The following PROS1 variants were observed in gnomAD, a reference collection of about 807,000 sequenced individuals.
The protein encoded by PROS1 is protein S.
In PROS1, 29 loss-of-function variants were observed where a neutral mutation model predicts 75.9. That is an observed-to-expected ratio of 0.38 (90% CI 0.28 to 0.52). The LOEUF (loss-of-function observed/expected upper bound fraction) is 0.52. Ranked by LOEUF, PROS1 falls within the 20% of genes least tolerant of loss-of-function variation. The pLI is 0.83. For missense variants in PROS1, 680 were observed against 810.3 expected (o/e 0.84, Z 1.95); for synonymous variants, 245 against 280.6 (o/e 0.87, Z 1.27).
chr3:93,896,735 C>T, intron 8 of PROS1, 44 bp from the exon 9 acceptor site: 1 of 1,397,988 alleles, frequency 7.2e-7, no homozygotes, highest in Non-Finnish European at 1.0e-6. Flanking sequence ...AATCAAAATG[C>T]ACAGGTTATT....
At chr3:93,942,696 C>T (rs573669758) in intron 1 of PROS1, among the ~76,000 whole-genome samples, 69 of 152,304 alleles carry the variant, frequency 4.5e-4, no homozygotes, top group African/African-American at 1.6e-3. Context: ...TCTATTCTGT[C>T]GTCATTTCAA....
At position 93,893,038 on chromosome 3, in the gene PROS1, G is replaced by A. The variant is rs559926905; in HGVS notation, c.1050C>T (p.Leu350=). Residue 350 remains leucine, a synonymous_variant, in exon 10 of 15, where the codon CTC becomes CTT. Coordinates refer to ENST00000394236, the MANE Select transcript of PROS1 (RefSeq NM_000313.4). Reference sequence around the variant, plus strand: ...TCTTTCCACCACGAAGTGCAATCAGGAGCCACGCTGAGTGATCGATAGATT... The same window carrying A: ...TCTTTCCACCACGAAGTGCAATCAGAAGCCACGCTGAGTGATCGATAGATT... ...YAESIDHSAW[L]LIALRGGKIE... 1.2e-6 allele frequency: 2 copies of A among 1,613,950 alleles called. No individual in the cohort carries two copies. Among genetic ancestry groups the A allele is most frequent in the South Asian group, 2.2e-5 (2 of 91,074 alleles).
chr3:93,973,532 T>C, intron 1 of PROS1, 142 bp downstream of exon 1: 1 of 832,298 alleles, frequency 1.2e-6, no homozygotes, highest in Non-Finnish European at 2.0e-6. Flanking sequence ...CCACGGCTGT[T>C]TCCATCCGCT....
At chr3:93,941,527 A>C (rs1709288100) in intron 1 of PROS1, among the ~76,000 whole-genome samples, 1 of 152,198 alleles carries the variant, frequency 6.6e-6, no homozygotes, top group Non-Finnish European at 1.5e-5. Flanking sequence ...TCACAAAAGG[A>C]AATTTAGCTG....
At chr3:93,956,563 A>ACACAAACAC (rs57080075) in intron 1 of PROS1, among the ~76,000 whole-genome samples, 5 of 128,306 alleles carry the variant, frequency 3.9e-5, no homozygotes, top group Admixed American at 7.9e-5. Context: ...CACACACACA[A>ACACAAACAC]ACACACACAC....
intron 10 of PROS1, among the ~76,000 whole-genome samples, chr3:93,890,170 G>A (rs2107145804): frequency 6.6e-6 from 1 of 152,216 alleles, no homozygotes; most frequent in African/African-American, 2.4e-5. Context: ...GTACCCTCAG[G>A]CTTATTAGGG....
chr3:93,952,391 G>A (rs1008223398), intron 1 of PROS1, among the ~76,000 whole-genome samples: 16 of 152,240 alleles, frequency 1.1e-4, no homozygotes, highest in Admixed American at 2.0e-4. Flanking sequence ...TCAGACCACA[G>A]TGCAATCAAA....
chr3:93,890,284 C>G (rs570992924), intron 10 of PROS1, among the ~76,000 whole-genome samples: 1 of 152,270 alleles, frequency 6.6e-6, no homozygotes, highest in South Asian at 2.1e-4. Flanking sequence ...ATACGTGCAC[C>G]GCTGAACATA....
chr3:93,889,818 C>T (rs1442224940), intron 10 of PROS1, among the ~76,000 whole-genome samples: 4 of 152,068 alleles, frequency 2.6e-5, no homozygotes, highest in Non-Finnish European at 5.9e-5. Context: ...GTTAACTGTA[C>T]AAATTGATTG....
intron 1 of PROS1, among the ~76,000 whole-genome samples, chr3:93,935,323 T>C (rs1709166762): frequency 6.6e-6 from 1 of 152,180 alleles, no homozygotes; most frequent in Admixed American, 6.6e-5. Context: ...CAGCTTTCAT[T>C]GTCTTTTTTA....
intron 6 of PROS1, among the ~76,000 whole-genome samples, chr3:93,902,002 A>G (rs920453939): frequency 3.3e-5 from 5 of 152,210 alleles, no homozygotes; most frequent in Non-Finnish European, 7.4e-5. Context: ...CTGTCTCTAC[A>G]AAGTTTTTTT....
intron 9 of PROS1, among the ~76,000 whole-genome samples, chr3:93,895,379 G>A (rs1708489107): frequency 6.6e-6 from 1 of 152,046 alleles, no homozygotes; most frequent in South Asian, 2.1e-4. Flanking sequence ...GAAGATATTA[G>A]TTGCTCTGTG....
chr3:93,890,997 C>G (rs1384570818), intron 10 of PROS1, among the ~76,000 whole-genome samples: 2 of 151,928 alleles, frequency 1.3e-5, no homozygotes, highest in African/African-American at 4.8e-5. Flanking sequence ...CCCAGCTACT[C>G]GAGAGGCTGA....
chr3:93,875,634 CTATCTATCTATCT>C (rs1708171641), intron 14 of PROS1, among the ~76,000 whole-genome samples: 1 of 112,502 alleles, frequency 8.9e-6, no homozygotes, highest in Non-Finnish European at 1.8e-5. Flanking sequence ...CTCTATCTAT[CTATCTATCTATCT>C]ATCTATCTAT....
intron 1 of PROS1, among the ~76,000 whole-genome samples, chr3:93,946,957 A>C (rs1202229894): frequency 3.3e-5 from 5 of 152,206 alleles, no homozygotes; most frequent in Non-Finnish European, 2.9e-5. Context: ...CAAAGAACTT[A>C]AGCAAATTTA....
At chr3:93,959,502 G>T (rs1344277597) in intron 1 of PROS1, among the ~76,000 whole-genome samples, 3 of 151,838 alleles carry the variant, frequency 2.0e-5, no homozygotes, top group Non-Finnish European at 4.4e-5. Flanking sequence ...CTCTTCTCTT[G>T]CCCTAATTGC....
At chr3:93,901,244 T>C (rs1708588937) in intron 6 of PROS1, among the ~76,000 whole-genome samples, 1 of 152,220 alleles carries the variant, frequency 6.6e-6, no homozygotes, top group Middle Eastern at 3.2e-3. Context: ...TGAAAACAGA[T>C]TCACTCCATA....
chr3:93,886,604 C>A, intron 10 of PROS1, 101 bp from the exon 11 acceptor site: 3 of 868,754 alleles, frequency 3.5e-6, no homozygotes, highest in East Asian at 2.5e-5. Flanking sequence ...TAAAATACTT[C>A]TGTAAAGTAA....
chr3:93,929,564 C>A (rs1709074023), intron 1 of PROS1, among the ~76,000 whole-genome samples: 1 of 152,150 alleles, frequency 6.6e-6, no homozygotes, highest in South Asian at 2.1e-4. Context: ...GGAAGATACT[C>A]TTGTACTGGA....
Sources: allele counts gnomAD v4.1 joint callset (sites outside exome capture counted in the v4.1 genomes callset), GRCh38; gene constraint gnomAD v4.1.1; transcripts MANE v1.5; gene names NCBI Gene and HGNC (gene_info 2026-07-23, HGNC 2026-07-21).